ZSWIM2: variants seen among roughly 807,000 people sequenced by gnomAD.
ZSWIM2 encodes E3 ubiquitin-protein ligase ZSWIM2.
A neutral mutation model predicts 48.4 loss-of-function variants in ZSWIM2; 38 were observed. The ratio of observed to expected loss-of-function variants is 0.79; its 90% CI spans 0.61 to 1.03. ZSWIM2 has a LOEUF of 1.03. Among genes scored for constraint, ZSWIM2 ranks in the 50% least tolerant of loss-of-function variants. The pLI is 0.00. For synonymous variants in ZSWIM2, 240 were observed against 251.3 expected (o/e 0.96, Z 0.42); for missense variants, 776 against 730.2 (o/e 1.06, Z -0.72).
chr2:186,837,431 C>T lies in ZSWIM2; in HGVS notation c.618G>A (p.Leu206=). 6.2e-7 allele frequency: 1 copy of T among 1,612,704 alleles called. No individual in the cohort carries two copies. Among genetic ancestry groups the T allele is most frequent in the South Asian group, 1.1e-5 (1 of 91,038 alleles). The change falls in exon 5 of 9, where the codon CTG becomes CTA. Residue 206 remains leucine (L), a synonymous_variant. Coordinates refer to ENST00000295131, the MANE Select transcript of ZSWIM2 (RefSeq NM_182521.3). The part of the protein sequence containing the change: ...LCRKEFAPLK[L]ILEEFKNSSK... The stretch of plus-strand genomic sequence containing the variant: ...TAGAGTTTTTGAATTCCTCCAAAAT[C>T]AGTTTTAATGGTGCAAACTCTTTCC...
intron 4 of ZSWIM2, among the ~76,000 whole-genome samples, chr2:186,838,202 T>G (rs957336047): frequency 1.3e-5 from 2 of 149,892 alleles, no homozygotes; most frequent in Non-Finnish European, 1.5e-5. Flanking sequence ...CATTAGACTC[T>G]CAATAAAGAT....
At position 186,847,751 on chromosome 2, in the gene ZSWIM2, C is replaced by A. The variant is rs765189432; in HGVS notation, c.210G>T (p.Pro70=). 15 of 1,605,656 alleles carry A rather than the reference C, an allele frequency of 9.3e-6. No individual in the cohort carries two copies. The highest frequency in any genetic ancestry group is 1.7e-4 in the Middle Eastern group (1 of 6,046). The change falls in exon 2 of 9, where the codon CCG becomes CCT. Residue 70 remains proline, a synonymous_variant. Transcript: ENST00000295131. The part of the protein sequence containing the change: ...NPHVCNCSTF[P]KGGELCKHIC... ...TATGCTTACAAAGTTCCCCTCCTTT[C>A]GGAAATGTGGAACAGTTACAAACGT... is the stretch of plus-strand genomic sequence containing the variant.
rs1453827828 is a variant in ZSWIM2, at chr2:186,837,338, GCAGTTATTA to G, written c.702_710del (p.Asn235_Cys237del). On this transcript the variant is annotated inframe_deletion, in exon 5 of 9. Coordinates refer to ENST00000295131, the MANE Select transcript of ZSWIM2 (RefSeq NM_182521.3). ...ACTTCCCCTCAATTGGAAACTGTTT[GCAGTTATTA>G]CAGGGAATCCCAAGGTGTTTGTCCA... is the stretch of plus-strand genomic sequence containing the variant. The G allele has an allele frequency of 4.3e-6, 7 of 1,612,682 alleles. No individual in the cohort carries two copies. The highest frequency in any genetic ancestry group is 1.3e-5 in the African/African-American group (1 of 74,810).
intron 1 of ZSWIM2, chr2:186,848,699 T>A: frequency 2.6e-6 from 1 of 381,362 alleles, no homozygotes. Context: ...TCTGACATTT[T>A]CAAGCCTAAA....
In ZSWIM2 at chr2:186,827,954, C is replaced by A; in HGVS notation, c.*30G>T. Reference sequence around the variant, plus strand: ...ATATAAAACATTTTTTTATATTCAACATTCAAATATTTTCAGATAGTAAAC... The same window carrying A: ...ATATAAAACATTTTTTTATATTCAAAATTCAAATATTTTCAGATAGTAAAC... On this transcript the variant is annotated 3_prime_UTR_variant, in exon 9 of 9. Coordinates refer to ENST00000295131, the MANE Select transcript of ZSWIM2 (RefSeq NM_182521.3). 6.8e-7 allele frequency: 1 copy of A among 1,473,048 alleles called. No individual in the cohort carries two copies. Among genetic ancestry groups the A allele is most frequent in the Non-Finnish European group, 9.1e-7 (1 of 1,101,062 alleles). The allele number at this position is 1,473,048 out of a possible 1,614,324, so 91.2% of individuals were successfully genotyped here.
At chr2:186,838,811 T>C in intron 4 of ZSWIM2, 148 bp downstream of exon 4, 1 of 317,544 alleles carries the variant, frequency 3.1e-6, no homozygotes, top group African/African-American at 2.2e-5. Context: ...GTGTGTGTGT[T>C]AGGAAATAAA....
intron 7 of ZSWIM2, among the ~76,000 whole-genome samples, chr2:186,832,770 A>C (rs1313956969): frequency 6.6e-6 from 1 of 152,124 alleles, no homozygotes; most frequent in Non-Finnish European, 1.5e-5. Flanking sequence ...ATAATAGATA[A>C]CATTATTTGA....
Position 186,847,813 on chromosome 2 carries a change from A to G in ZSWIM2, c.166-18T>C, listed in dbSNP as rs1160381429. On this transcript the variant is annotated intron_variant, in intron 1 of 8. Transcript: ENST00000295131. ...AGAAAAACCTTTAAAGGAAAAATGCATACTTAAAAAGACCAGTAAAATTTG... is the reference window on the plus strand; with the variant it reads ...AGAAAAACCTTTAAAGGAAAAATGCGTACTTAAAAAGACCAGTAAAATTTG... 6 of 1,585,750 alleles carry G rather than the reference A, an allele frequency of 3.8e-6. No homozygotes were observed. Among genetic ancestry groups the G allele is most frequent in the East Asian group, 4.5e-5 (2 of 44,456 alleles).
chr2:186,829,251 T>C (rs1691656477), intron 8 of ZSWIM2, among the ~76,000 whole-genome samples: 1 of 152,138 alleles, frequency 6.6e-6, no homozygotes, highest in Non-Finnish European at 1.5e-5. Flanking sequence ...CTGAACCAAC[T>C]TCATTTCAGA....
At chr2:186,832,158 C>T (rs1044639843) in intron 7 of ZSWIM2, among the ~76,000 whole-genome samples, 2 of 151,030 alleles carry the variant, frequency 1.3e-5, no homozygotes, top group Non-Finnish European at 1.5e-5. Flanking sequence ...TCTGTTGCCT[C>T]GGTTGGAGTA....
chr2:186,830,019 A>T, intron 7 of ZSWIM2, 139 bp from the exon 8 acceptor site: 9 of 788,602 alleles, frequency 1.1e-5, no homozygotes, highest in Non-Finnish European at 1.8e-5. Context: ...AATAAATCTC[A>T]TATATTATAA....
intron 2 of ZSWIM2, among the ~76,000 whole-genome samples, chr2:186,847,432 C>T (rs1344675295): frequency 6.6e-6 from 1 of 151,816 alleles, no homozygotes; most frequent in Admixed American, 6.6e-5. Context: ...GGATTTTTCC[C>T]CCGTTTTATA....
At chr2:186,846,040 A>G (rs1014225297) in intron 2 of ZSWIM2, among the ~76,000 whole-genome samples, 1 of 151,930 alleles carries the variant, frequency 6.6e-6, no homozygotes, top group Admixed American at 6.6e-5. Context: ...CTCTTGAAGA[A>G]AAACTAGGAA....
chr2:186,841,888 A>G (rs1244384664), intron 3 of ZSWIM2, among the ~76,000 whole-genome samples: 1 of 151,288 alleles, frequency 6.6e-6, no homozygotes, highest in African/African-American at 2.4e-5. Flanking sequence ...AATTTTATTC[A>G]TAATTATTTA....
chr2:186,837,299 C>G lies in ZSWIM2; in HGVS notation c.743+7G>C. The stretch of plus-strand genomic sequence containing the variant: ...ACACATGCTTATAATTTACGGATAA[C>G]ACTTACTTATAACACTTCCCCTCAA... On this transcript the variant is annotated splice_region_variant and intron_variant, in intron 5 of 8. Coordinates refer to ENST00000295131, the MANE Select transcript of ZSWIM2 (RefSeq NM_182521.3). The G allele has an allele frequency of 6.2e-7, 1 of 1,611,648 alleles. No homozygotes were observed. The highest frequency in any genetic ancestry group is 8.5e-7 in the Non-Finnish European group (1 of 1,178,544).
In ZSWIM2 at chr2:186,833,077, G is replaced by T. The variant is rs190327335; in HGVS notation, c.941+43C>A. 192 of 857,078 alleles carry T rather than the reference G, an allele frequency of 2.2e-4. No individual in the cohort carries two copies. In the African/African-American group the frequency reaches 3.0e-3, roughly 14 times the overall value. The allele number at this position is 857,078 out of a possible 1,614,324, so 53.1% of individuals were successfully genotyped here. On this transcript the variant is annotated intron_variant, in intron 7 of 8. Coordinates refer to ENST00000295131, the MANE Select transcript of ZSWIM2 (RefSeq NM_182521.3). ...TATTCAAATTGAGAAGTTATTCAAA[G>T]ATTCTGTCATACAACAAATATAAAA...
Position 186,828,535 on chromosome 2 carries a change from C to A in ZSWIM2, c.1351G>T (p.Glu451Ter). Residue 451 changes from glutamate to a stop codon, truncating the protein, a stop_gained, in exon 9 of 9, where the codon GAA becomes TAA. Transcript: ENST00000295131. LOFTEE classifies it low-confidence loss of function (END_TRUNC). ...TTTGGGCTTTGAGGTGTATTCAATT[C>A]ATCAAAATTACACTGAGGTATGCTA... ...LPSIPQCNFDELNTPQSPKDA... is the reference protein window; with the variant it reads ...LPSIPQCNFD 6.2e-7 allele frequency: 1 copy of A among 1,613,322 alleles called. No individual in the cohort carries two copies. The highest frequency in any genetic ancestry group is 8.5e-7 in the Non-Finnish European group (1 of 1,179,612).
intron 3 of ZSWIM2, among the ~76,000 whole-genome samples, chr2:186,841,627 G>C (rs1199918987): frequency 1.3e-5 from 2 of 151,294 alleles, no homozygotes; most frequent in Non-Finnish European, 1.5e-5. Flanking sequence ...ATGCCTAATA[G>C]TGGAAGAATG....
At position 186,849,164 on chromosome 2, in the gene ZSWIM2, G is replaced by A; in HGVS notation, c.-34C>T. ...CGGGCGGAGGCGGCCCCTCTGCTCGGCTCACTGAGGCGCCAGCCGGTCTCC... is the reference window on the plus strand; with the variant it reads ...CGGGCGGAGGCGGCCCCTCTGCTCGACTCACTGAGGCGCCAGCCGGTCTCC... On this transcript the variant is annotated 5_prime_UTR_variant, in exon 1 of 9. Transcript: ENST00000295131. 2 of 1,567,742 alleles carry A rather than the reference G, an allele frequency of 1.3e-6. No homozygotes were observed. Among genetic ancestry groups the A allele is most frequent in the South Asian group, 1.1e-5 (1 of 87,352 alleles).
Sources: allele counts gnomAD v4.1 joint callset (sites outside exome capture counted in the v4.1 genomes callset), GRCh38; gene constraint gnomAD v4.1.1; transcripts MANE v1.5; gene names NCBI Gene and HGNC (gene_info 2026-07-23, HGNC 2026-07-21).